Variants in ABCA12 observed in about 807,000 individuals in gnomAD.
The protein encoded by ABCA12 is ATP binding cassette subfamily A member 12.
ABCA12 carries 156 observed loss-of-function variants against 293.5 expected under a neutral mutation model. That is an observed-to-expected ratio of 0.53 (90% confidence interval 0.47 to 0.61). ABCA12 has a LOEUF of 0.61. ABCA12 is among the 20% of genes least tolerant of loss of function. The pLI, the probability that ABCA12 is intolerant of heterozygous loss-of-function variation, is 0.00. For synonymous variants in ABCA12, 1,063 were observed against 1,108.0 expected (o/e 0.96, Z 0.81); for missense variants, 2,797 against 3,090.2 (o/e 0.91, Z 2.25).
At chr2:214,968,842 G>A in intron 37 of ABCA12, 35 bp from the exon 38 acceptor site, 1 of 1,587,212 alleles carries the variant, frequency 6.3e-7, no homozygotes, top group Non-Finnish European at 8.6e-7. Context: ...CTTTGGTTTA[G>A]TGGAGAAAAT....
At position 214,943,925 on chromosome 2, in the gene ABCA12, A is replaced by G. The variant is rs1371957205; in HGVS notation, c.7344-908T>C. Among the ~76,000 whole-genome samples, 3 of 152,234 alleles carry G rather than the reference A, an allele frequency of 2.0e-5. No homozygotes were observed. The East Asian group carries it at 5.8e-4, about 29-fold the overall frequency. On this transcript the variant is annotated intron_variant, in intron 49 of 52. Transcript: ENST00000272895. The stretch of plus-strand genomic sequence containing the variant: ...AAGCAAATCTAATACTTTTTCTACT[A>G]TATGACAATTATAATGCAAACATAA...
At chr2:215,051,550 C>T (rs1228316923) in intron 5 of ABCA12, among the ~76,000 whole-genome samples, 2 of 150,484 alleles carry the variant, frequency 1.3e-5, no homozygotes, top group African/African-American at 4.9e-5. Flanking sequence ...AGACATGTCT[C>T]ATGATCAGAT....
chr2:215,090,493 T>C (rs1702121792), intron 2 of ABCA12, among the ~76,000 whole-genome samples: 1 of 152,154 alleles, frequency 6.6e-6, no homozygotes, highest in Non-Finnish European at 1.5e-5. Flanking sequence ...TTGCTATCCC[T>C]CCACCCTTCA....
chr2:215,000,913 T>C lies in ABCA12; in HGVS notation c.2971A>G (p.Thr991Ala), dbSNP rs1306652255. 1.2e-6 allele frequency: 2 copies of C among 1,614,140 alleles called. No homozygotes were observed. Among genetic ancestry groups the C allele is most frequent in the South Asian group, 2.2e-5 (2 of 91,076 alleles). The change falls in exon 22 of 53, where the codon ACC becomes GCC. Residue 991 changes from threonine (T) to alanine (A), a missense_variant. Thr to Ala is a moderately conservative substitution (Grantham distance 58). Transcript: ENST00000272895. ...CTTAGGCTTCTTGTGGTCTGTGCGG[T>C]CTTGAGACTCATCCGGATGGTATAT... is the stretch of plus-strand genomic sequence containing the variant. ...IKYTIRMSLKTAQTTRSLRTK... is the reference protein window; with the variant it reads ...IKYTIRMSLKAAQTTRSLRTK...
intron 2 of ABCA12, among the ~76,000 whole-genome samples, chr2:215,071,218 A>C (rs1457369233): frequency 4.5e-5 from 6 of 134,668 alleles, no homozygotes; most frequent in African/African-American, 2.0e-4. Flanking sequence ...AATAAAATAA[A>C]ATAAAATAAA....
intron 52 of ABCA12, among the ~76,000 whole-genome samples, chr2:214,933,544 G>C (rs888522898): frequency 6.6e-6 from 1 of 152,228 alleles, no homozygotes; most frequent in Non-Finnish European, 1.5e-5. Flanking sequence ...AATTAAGACA[G>C]TACAGAAGTG....
chr2:215,051,776 C>A (rs943392878), intron 5 of ABCA12, among the ~76,000 whole-genome samples: 1 of 151,796 alleles, frequency 6.6e-6, no homozygotes, highest in Non-Finnish European at 1.5e-5. Context: ...GACTTAAATA[C>A]CTATGGGACC....
chr2:215,111,724 T>C lies in ABCA12; in HGVS notation c.70-34A>G, dbSNP rs750071604. 4 of 1,537,062 alleles carry C rather than the reference T, an allele frequency of 2.6e-6. No homozygotes were observed. In the South Asian group the frequency reaches 4.5e-5, roughly 17 times the overall value. ...TAATGGTAGAAAAAATTGTTAGTTTTATTGTTGAACCAAAGATTTTTAAAA... is the reference window on the plus strand; with the variant it reads ...TAATGGTAGAAAAAATTGTTAGTTTCATTGTTGAACCAAAGATTTTTAAAA... On this transcript the variant is annotated intron_variant, in intron 1 of 52. Transcript: ENST00000272895.
At chr2:214,933,812 G>C (rs754859952) in intron 52 of ABCA12, among the ~76,000 whole-genome samples, 2 of 151,864 alleles carry the variant, frequency 1.3e-5, no homozygotes, top group African/African-American at 2.4e-5. Flanking sequence ...TGTGAAAATA[G>C]TGGGGTTTTT....
intron 15 of ABCA12, among the ~76,000 whole-genome samples, chr2:215,014,557 C>A (rs1488135154): frequency 2.0e-5 from 3 of 152,000 alleles, no homozygotes; most frequent in Admixed American, 2.0e-4. Context: ...AAGTTTTGAG[C>A]AGAAGGGTGA....
chr2:214,995,642 G>A (rs1700016607), intron 23 of ABCA12, among the ~76,000 whole-genome samples: 1 of 152,176 alleles, frequency 6.6e-6, no homozygotes, highest in Non-Finnish European at 1.5e-5. Flanking sequence ...GAGCGAGGCT[G>A]AGCAGGAGGC....
chr2:215,110,289 T>C (rs1702545542), intron 2 of ABCA12, among the ~76,000 whole-genome samples: 1 of 152,096 alleles, frequency 6.6e-6, no homozygotes, highest in East Asian at 1.9e-4. Flanking sequence ...GGTGGGTGGA[T>C]CACAAGGTCA....
intron 39 of ABCA12, among the ~76,000 whole-genome samples, chr2:214,966,205 G>A (rs75083858): frequency 0.011 from 1,693 of 152,244 alleles, 33 homozygotes; most frequent in African/African-American, 0.038. Flanking sequence ...TGGACACATG[G>A]TGGGGAACAA....
At position 214,986,680 on chromosome 2, in the gene ABCA12, A is replaced by G. The variant is rs748931097; in HGVS notation, c.4025T>C (p.Leu1342Pro). The G allele has an allele frequency of 2.5e-6, 4 of 1,614,008 alleles. No homozygotes were observed. In the East Asian group the frequency reaches 6.7e-5, roughly 27 times the overall value. Residue 1342 changes from leucine (L) to proline (P), a missense_variant, in exon 28 of 53, where the codon CTC becomes CCC. Leu to Pro is a moderately conservative substitution (Grantham distance 98). Coordinates refer to ENST00000272895, the MANE Select transcript of ABCA12 (RefSeq NM_173076.3). Reference sequence around the variant, plus strand: ...CCCATGCAGGGCAACCCCGACTGTGAGATCTTTAGGTTCAGGCTCGATGTT... The same window carrying G: ...CCCATGCAGGGCAACCCCGACTGTGGGATCTTTAGGTTCAGGCTCGATGTT... ...SSNIEPEPKDLTVGVALHGVT... is the reference protein window; with the variant it reads ...SSNIEPEPKDPTVGVALHGVT...
At chr2:214,949,891 C>T (rs918650947) in intron 45 of ABCA12, among the ~76,000 whole-genome samples, 4 of 152,112 alleles carry the variant, frequency 2.6e-5, no homozygotes, top group Admixed American at 2.6e-4. Flanking sequence ...GAATTCCCTC[C>T]GCCAAGCGGG....
rs1460535986 is a variant in ABCA12 at position 215,068,451 on chromosome 2, T to C, written c.164-4232A>G. On this transcript the variant is annotated intron_variant, in intron 2 of 52. Coordinates refer to ENST00000272895, the MANE Select transcript of ABCA12 (RefSeq NM_173076.3). ...GGTTGTATTCCAATAAAACTTTATT[T>C]ACAGAAACAGGCAATAGGCTGGAAT... is the stretch of plus-strand genomic sequence containing the variant. Among the ~76,000 whole-genome samples the C allele has an allele frequency of 3.9e-5, 6 of 152,150 alleles. No homozygotes were observed. In the East Asian group the frequency reaches 9.6e-4, roughly 24 times the overall value.
At chr2:215,028,450 T>G (rs1031825641) in intron 9 of ABCA12, among the ~76,000 whole-genome samples, 9 of 152,244 alleles carry the variant, frequency 5.9e-5, no homozygotes, top group Admixed American at 1.3e-4. Flanking sequence ...CAAGCGCTCA[T>G]GCTTGTGCAT....
At chr2:215,020,311 C>CACACACAT (rs1236076738) in intron 11 of ABCA12, among the ~76,000 whole-genome samples, 1 of 151,616 alleles carries the variant, frequency 6.6e-6, no homozygotes, top group Non-Finnish European at 1.5e-5. Context: ...CACACACACA[C>CACACACAT]ACAGAGTGGT....
In ABCA12 at chr2:214,982,200, G is replaced by T. The variant is rs1427023489; in HGVS notation, c.4566C>A (p.Ser1522=). The change falls in exon 30 of 53, where the codon TCC becomes TCA. Residue 1522 remains serine, a synonymous_variant. Coordinates refer to ENST00000272895, the MANE Select transcript of ABCA12 (RefSeq NM_173076.3). The part of the protein sequence containing the change: ...CSRRSIWDVI[S]KNKTARTIIL... ...AACTACTCATACCAGTTTTGTTCTT[G>T]GATATAACATCCCATATACTTCGGC... The T allele has an allele frequency of 6.2e-7, 1 of 1,613,676 alleles. No individual in the cohort carries two copies. The highest frequency in any genetic ancestry group is 1.1e-5 in the South Asian group (1 of 91,068).
Sources: gnomAD v4.1 joint callset for allele counts (sites outside exome capture counted in the v4.1 genomes callset) on GRCh38, gnomAD v4.1.1 for gene constraint, MANE v1.5 for transcripts, NCBI Gene and HGNC (gene_info 2026-07-23, HGNC 2026-07-21) for gene names.